Variants in CD2AP observed in about 807,000 individuals in gnomAD.
CD2AP encodes CD2 associated protein.
Under a neutral mutation model 85.1 loss-of-function variants are expected in CD2AP, and 46 were observed. The ratio of observed to expected loss-of-function variants is 0.54; its 90% CI spans 0.43 to 0.69. CD2AP has a LOEUF of 0.69. CD2AP is among the 30% of genes least tolerant of loss of function. The pLI, the probability that CD2AP is intolerant of heterozygous loss-of-function variation, is 0.00. For missense variants in CD2AP, 769 were observed against 729.5 expected, an observed-to-expected ratio of 1.05 and a Z score of -0.62; for synonymous variants, 255 against 252.9, an observed-to-expected ratio of 1.01 and a Z score of -0.08.
intron 4 of CD2AP, among the ~76,000 whole-genome samples, chr6:47,550,652 A>T (rs374532922): frequency 2.7e-4 from 41 of 152,350 alleles, no homozygotes; most frequent in African/African-American, 9.9e-4. Flanking sequence ...AACTAAAAGT[A>T]GAACTATCAC....
chr6:47,610,730 T>C (rs919605190), intron 16 of CD2AP, among the ~76,000 whole-genome samples: 1 of 151,670 alleles, frequency 6.6e-6, no homozygotes, highest in Non-Finnish European at 1.5e-5. Flanking sequence ...TTTATCTGTT[T>C]TGAAAGATTC....
rs547270016 is a variant in CD2AP, at chr6:47,555,540, A to C, written c.541+774A>C. Among the ~76,000 whole-genome samples, 7 of 152,294 alleles carry C rather than the reference A, an allele frequency of 4.6e-5. 2 individuals carry two copies. In the South Asian group the frequency reaches 1.5e-3, roughly 32 times the overall value. On this transcript the variant is annotated intron_variant, in intron 5 of 17. Coordinates refer to ENST00000359314, the MANE Select transcript of CD2AP (RefSeq NM_012120.3). ...AGTAGATCATAACCTTAAGGTTGCC[A>C]GTATCATTGGTTTTTGTTTTTAGAA...
Position 47,566,323 on chromosome 6 carries a change from T to TATATATATATATATATATACACACACAC in CD2AP, c.542-7740_542-7739insTATATATATATATATATACACACACACA. ...TAGAATATATATATATATATATATA[T>TATATATATATATATATATACACACACAC]ACACATACACATATATATATATGTA... On this transcript the variant is annotated intron_variant, in intron 5 of 17. Coordinates refer to ENST00000359314, the MANE Select transcript of CD2AP (RefSeq NM_012120.3). 2.3e-3 allele frequency among the ~76,000 whole-genome samples: 252 copies of TATATATATATATATATATACACACACAC among 108,322 alleles called. 4 individuals are homozygous for TATATATATATATATATATACACACACAC. The highest frequency in any genetic ancestry group is 3.9e-3 in the Non-Finnish European group (181 of 46,722). 71.1% of individuals were successfully genotyped at this position (108,322 alleles called of 152,430 possible).
chr6:47,538,512 C>T (rs1460598871), intron 3 of CD2AP, among the ~76,000 whole-genome samples: 1 of 152,170 alleles, frequency 6.6e-6, no homozygotes, highest in Non-Finnish European at 1.5e-5. Context: ...TCCCAAAGTG[C>T]TGGGATTACA....
At chr6:47,516,209 G>A (rs1766449492) in intron 2 of CD2AP, among the ~76,000 whole-genome samples, 1 of 152,186 alleles carries the variant, frequency 6.6e-6, no homozygotes, top group South Asian at 2.1e-4. Flanking sequence ...GCAAAGTTTG[G>A]TCCAGCTAGC....
chr6:47,605,612 A>G (rs1263766360), intron 13 of CD2AP, among the ~76,000 whole-genome samples: 2 of 152,014 alleles, frequency 1.3e-5, no homozygotes, highest in African/African-American at 4.8e-5. Flanking sequence ...AGTCCCACCT[A>G]ATACTGTGCA....
intron 7 of CD2AP, 117 bp from the exon 8 acceptor site, chr6:47,576,892 A>G: frequency 1.4e-6 from 1 of 708,370 alleles, no homozygotes; most frequent in Non-Finnish European, 2.5e-6. Context: ...AAATTTAAAG[A>G]TAATTAAGTT....
At chr6:47,529,195 C>T (rs949774408) in intron 2 of CD2AP, among the ~76,000 whole-genome samples, 4 of 119,840 alleles carry the variant, frequency 3.3e-5, no homozygotes, top group Non-Finnish European at 5.3e-5. Flanking sequence ...CCCCCCCCCC[C>T]CCCCCAACTT....
At chr6:47,517,516 C>T (rs1271367046) in intron 2 of CD2AP, among the ~76,000 whole-genome samples, 1 of 152,080 alleles carries the variant, frequency 6.6e-6, no homozygotes, top group Non-Finnish European at 1.5e-5. Context: ...TCTTGAACTT[C>T]TGGGCTCAGG....
chr6:47,522,084 G>C (rs1766613091), intron 2 of CD2AP, among the ~76,000 whole-genome samples: 1 of 152,076 alleles, frequency 6.6e-6, no homozygotes, highest in Non-Finnish European at 1.5e-5. Flanking sequence ...ATAATTATTG[G>C]TGGACTCTGT....
chr6:47,479,910 G>A (rs1037088468), intron 1 of CD2AP, among the ~76,000 whole-genome samples: 1 of 151,922 alleles, frequency 6.6e-6, no homozygotes, highest in Non-Finnish European at 1.5e-5. Context: ...TAGAAGTGTG[G>A]AAATCATATT....
At chr6:47,560,636 T>A (rs1472818842) in intron 5 of CD2AP, among the ~76,000 whole-genome samples, 1 of 147,774 alleles carries the variant, frequency 6.8e-6, no homozygotes, top group Admixed American at 6.7e-5. Flanking sequence ...GGAGTGACGA[T>A]GTCTTATGTA....
intron 1 of CD2AP, among the ~76,000 whole-genome samples, chr6:47,485,224 A>AT (rs1472264474): frequency 6.6e-6 from 1 of 152,166 alleles, no homozygotes; most frequent in African/African-American, 2.4e-5. Context: ...CAGGTCCTTC[A>AT]GGGGGTATTC....
intron 2 of CD2AP, among the ~76,000 whole-genome samples, chr6:47,528,190 G>A (rs1766779334): frequency 6.6e-6 from 1 of 151,970 alleles, no homozygotes; most frequent in Non-Finnish European, 1.5e-5. Context: ...TCTTTTGGGG[G>A]ATGAGACAGA....
intron 5 of CD2AP, among the ~76,000 whole-genome samples, chr6:47,555,326 A>C (rs1171342822): frequency 6.6e-6 from 1 of 152,204 alleles, no homozygotes; most frequent in African/African-American, 2.4e-5. Context: ...GTTACTTTTA[A>C]GAATTGCTGT....
Position 47,599,384 on chromosome 6 carries a change from C to T in CD2AP, c.1358C>T (p.Pro453Leu), listed in dbSNP as rs139390657. The change falls in exon 13 of 18, where the codon CCC becomes CTC. Residue 453 changes from proline to leucine, a missense_variant. Transcript: ENST00000359314. ...CTAAAGCTAGATTCTGAACAGCTGC[C>T]CCTTAGACCAAAATCAGTAGACTTT... The part of the protein sequence containing the change: ...SKLKLDSEQL[P>L]LRPKSVDFDS... 1.9e-6 allele frequency: 3 copies of T among 1,611,954 alleles called. No homozygotes were observed. The highest frequency in any genetic ancestry group is 2.7e-5 in the African/African-American group (2 of 74,730).
rs536302388 is a variant in CD2AP at position 47,510,859 on chromosome 6, G to A, written c.165+7419G>A. On this transcript the variant is annotated intron_variant, in intron 2 of 17. Transcript: ENST00000359314. ...GGAGGCCGAGGTGGGCAGATTACGA[G>A]GTCAAGAGATCGAGACCATCCTGGC... 4.6e-5 allele frequency among the ~76,000 whole-genome samples: 7 copies of A among 152,106 alleles called. No individual in the cohort carries two copies. The South Asian group carries it at 1.2e-3, about 27-fold the overall frequency.
chr6:47,554,022 T>C (rs770672771), intron 4 of CD2AP, among the ~76,000 whole-genome samples: 24 of 152,066 alleles, frequency 1.6e-4, no homozygotes, highest in Non-Finnish European at 3.1e-4. Flanking sequence ...AGTGCCACAA[T>C]TGGGCTCAGC....
chr6:47,539,111 CT>C (rs1767134321), intron 3 of CD2AP, among the ~76,000 whole-genome samples: 1 of 152,150 alleles, frequency 6.6e-6, no homozygotes, highest in Non-Finnish European at 1.5e-5. Context: ...AATTCACAGT[CT>C]AGCAGGGGCG....
Sources: gnomAD v4.1 joint callset for allele counts (sites outside exome capture counted in the v4.1 genomes callset) on GRCh38, gnomAD v4.1.1 for gene constraint, MANE v1.5 for transcripts, NCBI Gene and HGNC (gene_info 2026-07-23, HGNC 2026-07-21) for gene names.